The following ZNF578 variants were observed in gnomAD, a reference collection of about 807,000 sequenced individuals.
ZNF578 encodes zinc finger protein 578.
Under a neutral mutation model 8.3 loss-of-function variants are expected in ZNF578, and 8 were observed. The observed-to-expected ratio is 0.96, with a 90% CI of 0.56 to 1.74. ZNF578 has a LOEUF of 1.74. ZNF578 is among the 40% of genes most tolerant of loss of function. The pLI is 0.00. For missense variants in ZNF578, 726 were observed against 707.5 expected, an observed-to-expected ratio of 1.03 and a Z score of -0.30; for synonymous variants, 206 against 232.2, an observed-to-expected ratio of 0.89 and a Z score of 1.03.
intron 3 of ZNF578, among the ~76,000 whole-genome samples, chr19:52,494,030 G>C (rs1440993097): frequency 6.6e-6 from 1 of 151,360 alleles, no homozygotes; most frequent in East Asian, 1.9e-4. Flanking sequence ...GGATGGAGCA[G>C]AAGAGGTGGA....
chr19:52,501,099 G>A (rs2059405480), intron 3 of ZNF578, among the ~76,000 whole-genome samples: 1 of 151,798 alleles, frequency 6.6e-6, no homozygotes, highest in East Asian at 2.0e-4. Flanking sequence ...GTCTGGTCTT[G>A]AAGTCCTGAC....
rs772888006 is a variant in ZNF578, at chr19:52,484,910, G to C, written c.-121-6414G>C. 9.1e-4 allele frequency among the ~76,000 whole-genome samples: 131 copies of C among 144,646 alleles called. No homozygotes were observed. In the Middle Eastern group the frequency reaches 0.011, roughly 12 times the overall value. The allele number at this position is 144,646 out of a possible 152,430, so 94.9% of individuals were successfully genotyped here. ...CCCAGGTGAAATAAACAGCCATGTT[G>C]CTCCAACAAAGCCTGTTTGGTGGTC... On this transcript the variant is annotated intron_variant, in intron 2 of 5. Transcript: ENST00000421239.
chr19:52,494,923 C>T (rs1307342103), intron 3 of ZNF578, among the ~76,000 whole-genome samples: 2 of 152,002 alleles, frequency 1.3e-5, no homozygotes, highest in African/African-American at 2.4e-5. Flanking sequence ...CCTCGACCTC[C>T]TAGGCTCAAG....
chr19:52,512,679 C>G lies in ZNF578; in HGVS notation c.*525C>G, dbSNP rs1030628691. Among the ~76,000 whole-genome samples the G allele has an allele frequency of 2.6e-5, 4 of 152,194 alleles. No homozygotes were observed. The highest frequency in any genetic ancestry group is 4.8e-5 in the African/African-American group (2 of 41,450). ...GAATCCCTACTGGAGAGAAATCTTA[C>G]AAATGTCATCAGTGTGGCAAGGTCT... On this transcript the variant is annotated 3_prime_UTR_variant, in exon 6 of 6. Coordinates refer to ENST00000421239, the MANE Select transcript of ZNF578 (RefSeq NM_001099694.2).
chr19:52,504,393 G>A (rs1217128174), intron 4 of ZNF578, among the ~76,000 whole-genome samples: 1 of 151,884 alleles, frequency 6.6e-6, no homozygotes, highest in African/African-American at 2.4e-5. Context: ...GCCCAGCCCT[G>A]TGTTTCCTTT....
chr19:52,497,195 G>A (rs926395976), intron 3 of ZNF578, among the ~76,000 whole-genome samples: 4 of 152,072 alleles, frequency 2.6e-5, no homozygotes, highest in African/African-American at 7.2e-5. Flanking sequence ...CGCCTCCCAG[G>A]GTCAAGCGAT....
chr19:52,497,531 C>T (rs2059391357), intron 3 of ZNF578, among the ~76,000 whole-genome samples: 1 of 152,166 alleles, frequency 6.6e-6, no homozygotes, highest in Admixed American at 6.6e-5. Flanking sequence ...TTATTGTTTT[C>T]AAAGTATGAT....
chr19:52,472,661 G>A (rs1479870795), intron 2 of ZNF578, among the ~76,000 whole-genome samples: 1 of 152,066 alleles, frequency 6.6e-6, no homozygotes, highest in East Asian at 1.9e-4. Flanking sequence ...GAGGTTATTT[G>A]GTAGAGCATA....
chr19:52,499,869 T>C (rs2059400430), intron 3 of ZNF578, among the ~76,000 whole-genome samples: 1 of 152,060 alleles, frequency 6.6e-6, no homozygotes, highest in Non-Finnish European at 1.5e-5. Context: ...AGAAAAATGT[T>C]TGAAGACCAT....
At chr19:52,491,246 G>T (rs10714590) in intron 2 of ZNF578, 78 bp from the exon 3 acceptor site, 36,937 of 142,416 alleles carry the variant, frequency 0.26, 4,367 homozygotes, top group Non-Finnish European at 0.3. Flanking sequence ...GTATTTTTTT[G>T]TGTGTCATAT....
chr19:52,515,731 CTTT>C lies in ZNF578; in HGVS notation c.*3587_*3589del, dbSNP rs552288716. Among the ~76,000 whole-genome samples, 1 of 143,020 alleles carries C rather than the reference CTTT, an allele frequency of 7.0e-6. No homozygotes were observed. The allele number at this position is 143,020 out of a possible 152,430, so 93.8% of individuals were successfully genotyped here. On this transcript the variant is annotated 3_prime_UTR_variant, in exon 6 of 6. Coordinates refer to ENST00000421239, the MANE Select transcript of ZNF578 (RefSeq NM_001099694.2). ...AAATGGAGTGCGTGTCTGGGTGTGG[CTTT>C]TTTTTTTTTGAGGAGTGCCCAGTTG...
At chr19:52,473,163 G>C (rs1393319659) in intron 2 of ZNF578, among the ~76,000 whole-genome samples, 4 of 152,162 alleles carry the variant, frequency 2.6e-5, no homozygotes, top group Admixed American at 2.0e-4. Flanking sequence ...CATTTACATG[G>C]TTTCTCTTTA....
At chr19:52,482,942 C>CA (rs35843945) in intron 2 of ZNF578, among the ~76,000 whole-genome samples, 3,324 of 55,096 alleles carry the variant, frequency 0.06, 111 homozygotes, top group African/African-American at 0.12. Context: ...CTCTGTCTCC[C>CA]AAAAAAAAAA....
chr19:52,463,380 T>A, intron 2 of ZNF578, among the ~76,000 whole-genome samples: 1 of 152,218 alleles, frequency 6.6e-6, no homozygotes, highest in East Asian at 1.9e-4. Flanking sequence ...GATGTCCATT[T>A]GCCAGATCTT....
chr19:52,461,246 A>G (rs750378360), intron 2 of ZNF578, among the ~76,000 whole-genome samples: 1 of 152,148 alleles, frequency 6.6e-6, no homozygotes, highest in Non-Finnish European at 1.5e-5. Flanking sequence ...CATTATGTGA[A>G]TGGGGATTTA....
intron 3 of ZNF578, among the ~76,000 whole-genome samples, chr19:52,499,346 C>G (rs920059419): frequency 9.9e-5 from 15 of 151,978 alleles, no homozygotes; most frequent in African/African-American, 3.6e-4. Flanking sequence ...CATCTCACAG[C>G]TTTCACCCAC....
At chr19:52,497,797 CATT>C (rs2059392137) in intron 3 of ZNF578, among the ~76,000 whole-genome samples, 1 of 151,958 alleles carries the variant, frequency 6.6e-6, no homozygotes, top group African/African-American at 2.4e-5. Flanking sequence ...TAGCCTATTC[CATT>C]TTCTTTTCTT....
At position 52,512,425 on chromosome 19, in the gene ZNF578, TC is replaced by T; in HGVS notation, c.*273del. On this transcript the variant is annotated 3_prime_UTR_variant, in exon 6 of 6. Coordinates refer to ENST00000421239, the MANE Select transcript of ZNF578 (RefSeq NM_001099694.2). ...GAGAATCCATAATGAAGAGAGATCT[TC>T]CGAGTGTAATAAATGTGGCAAATTT... The T allele has an allele frequency of 1.4e-6, 2 of 1,445,170 alleles. No homozygotes were observed. The highest frequency in any genetic ancestry group is 1.9e-6 in the Non-Finnish European group (2 of 1,031,760). 89.5% of individuals were successfully genotyped at this position (1,445,170 alleles called of 1,614,324 possible).
At chr19:52,484,434 C>A (rs990847914) in intron 2 of ZNF578, among the ~76,000 whole-genome samples, 5 of 152,308 alleles carry the variant, frequency 3.3e-5, no homozygotes, top group Admixed American at 6.5e-5. Flanking sequence ...AGGTCTTTCC[C>A]TTCCCACGAG....
Sources: gnomAD v4.1 joint callset for allele counts (sites outside exome capture counted in the v4.1 genomes callset) on GRCh38, gnomAD v4.1.1 for gene constraint, MANE v1.5 for transcripts, NCBI Gene and HGNC (gene_info 2026-07-23, HGNC 2026-07-21) for gene names.